Variants in ULK4 observed in about 807,000 individuals in gnomAD.
ULK4 encodes unc-51 like kinase 4, also known as inactive serine/threonine-protein kinase ULK4.
A neutral mutation model predicts 160.6 loss-of-function variants in ULK4; 133 were observed. The ratio of observed to expected loss-of-function variants is 0.83; its 90% CI spans 0.72 to 0.96. The LOEUF (loss-of-function observed/expected upper bound fraction) is 0.96. Ranked by LOEUF, ULK4 falls within the 40% of genes least tolerant of loss-of-function variation. The pLI, the probability that ULK4 is intolerant of heterozygous loss-of-function variation, is 0.00. For missense variants in ULK4, 1,580 were observed against 1,499.5 expected (o/e 1.05, Z -0.89); for synonymous variants, 534 against 539.8 (o/e 0.99, Z 0.15).
chr3:41,388,248 G>C (rs1399972735), intron 35 of ULK4, among the ~76,000 whole-genome samples: 1 of 152,032 alleles, frequency 6.6e-6, no homozygotes, highest in Non-Finnish European at 1.5e-5. Context: ...AAATTTGTTT[G>C]AGTTCATTGT....
At chr3:41,918,678 T>C in intron 6 of ULK4, 138 bp from the exon 7 acceptor site, 2 of 453,068 alleles carry the variant, frequency 4.4e-6, no homozygotes, top group Non-Finnish European at 7.5e-6. Context: ...CTCGGCTCAC[T>C]GCACACTCCG....
At chr3:41,588,040 A>C (rs1240018527) in intron 31 of ULK4, among the ~76,000 whole-genome samples, 1 of 152,210 alleles carries the variant, frequency 6.6e-6, no homozygotes, top group Non-Finnish European at 1.5e-5. Flanking sequence ...TTTTATCCAC[A>C]AGATTGCTGT....
At chr3:41,544,084 T>C (rs1213650623) in intron 32 of ULK4, among the ~76,000 whole-genome samples, 1 of 152,208 alleles carries the variant, frequency 6.6e-6, no homozygotes, top group Non-Finnish European at 1.5e-5. Flanking sequence ...TTTCCTAGTT[T>C]GGCTTTTTGA....
At chr3:41,778,155 G>A (rs1404871682) in intron 21 of ULK4, among the ~76,000 whole-genome samples, 2 of 118,938 alleles carry the variant, frequency 1.7e-5, no homozygotes, top group African/African-American at 4.5e-5. Context: ...CAAAATCAAT[G>A]TACAAAAATC....
intron 33 of ULK4, among the ~76,000 whole-genome samples, chr3:41,461,645 T>A (rs2083686412): frequency 6.6e-6 from 1 of 152,084 alleles, no homozygotes; most frequent in Non-Finnish European, 1.5e-5. Flanking sequence ...AAATAGAAAA[T>A]TCAAAAATAT....
intron 31 of ULK4, among the ~76,000 whole-genome samples, chr3:41,586,750 CTA>C (rs1274335013): frequency 6.6e-6 from 1 of 151,918 alleles, no homozygotes; most frequent in Non-Finnish European, 1.5e-5. Context: ...GCAGGAAAAA[CTA>C]TTTTTGTTTC....
chr3:41,610,432 T>C (rs1366867754), intron 31 of ULK4, among the ~76,000 whole-genome samples: 7 of 152,232 alleles, frequency 4.6e-5, no homozygotes, highest in Non-Finnish European at 1.0e-4. Flanking sequence ...GGAACTTCTC[T>C]TTTTAACGTA....
intron 32 of ULK4, among the ~76,000 whole-genome samples, chr3:41,520,639 T>C (rs1053838014): frequency 1.3e-5 from 2 of 152,190 alleles, no homozygotes; most frequent in African/African-American, 4.8e-5. Context: ...TACTATACAA[T>C]TTTCCACAGC....
At chr3:41,408,336 G>A (rs1257058307) in intron 34 of ULK4, among the ~76,000 whole-genome samples, 2 of 148,442 alleles carry the variant, frequency 1.3e-5, no homozygotes, top group African/African-American at 2.5e-5. Flanking sequence ...GCTGCAGCAG[G>A]AGAATGGCGT....
chr3:41,481,795 C>G (rs2125897406), intron 32 of ULK4, among the ~76,000 whole-genome samples: 1 of 143,082 alleles, frequency 7.0e-6, no homozygotes, highest in South Asian at 2.2e-4. Flanking sequence ...CCACTGCACT[C>G]CAGCCTGGGC....
intron 9 of ULK4, 58 bp from the exon 10 acceptor site, chr3:41,911,717 T>C: frequency 6.2e-6 from 8 of 1,289,964 alleles, no homozygotes; most frequent in South Asian, 1.2e-5. Context: ...TATAGTTTTA[T>C]GTTAGAGAAA....
chr3:41,866,642 G>A (rs114535541), intron 17 of ULK4, among the ~76,000 whole-genome samples: 366 of 152,252 alleles, frequency 2.4e-3, no homozygotes, highest in African/African-American at 7.8e-3. Flanking sequence ...ACCAGTCCTG[G>A]TCCACAGCCC....
At chr3:41,418,048 C>T (rs2125833329) in intron 34 of ULK4, among the ~76,000 whole-genome samples, 1 of 152,188 alleles carries the variant, frequency 6.6e-6, no homozygotes, top group South Asian at 2.1e-4. Flanking sequence ...TAAATTAACC[C>T]TTACCTTCCT....
At chr3:41,294,295 A>G (rs931303231) in intron 35 of ULK4, among the ~76,000 whole-genome samples, 8 of 152,224 alleles carry the variant, frequency 5.3e-5, no homozygotes, top group Admixed American at 1.3e-4. Flanking sequence ...TCAAGGTGCC[A>G]TCTTGGAAGC....
intron 29 of ULK4, among the ~76,000 whole-genome samples, chr3:41,666,147 T>A (rs918567494): frequency 1.3e-5 from 2 of 152,090 alleles, no homozygotes; most frequent in Non-Finnish European, 2.9e-5. Flanking sequence ...GTGTCCAGGG[T>A]TTTTATTGGA....
At chr3:41,821,329 T>C (rs1210502267) in intron 18 of ULK4, among the ~76,000 whole-genome samples, 1 of 147,560 alleles carries the variant, frequency 6.8e-6, no homozygotes, top group East Asian at 1.9e-4. Context: ...CAGGGGACCT[T>C]CAACATCCAT....
intron 35 of ULK4, among the ~76,000 whole-genome samples, chr3:41,253,330 A>G (rs1348493399): frequency 6.6e-6 from 1 of 152,096 alleles, no homozygotes; most frequent in Non-Finnish European, 1.5e-5. Flanking sequence ...GGTTTTCAAC[A>G]TATGTAGATG....
At chr3:41,720,581 G>A (rs1420150939) in intron 22 of ULK4, among the ~76,000 whole-genome samples, 1 of 151,782 alleles carries the variant, frequency 6.6e-6, no homozygotes, top group Admixed American at 6.6e-5. Context: ...CAAAAGAAGA[G>A]GAAAAAATGA....
At chr3:41,809,224 A>AG (rs1490968881) in intron 19 of ULK4, among the ~76,000 whole-genome samples, 1 of 151,534 alleles carries the variant, frequency 6.6e-6, no homozygotes, top group African/African-American at 2.4e-5. Flanking sequence ...GCTACTTTAT[A>AG]GATGTTTGTA....
Sources: allele counts gnomAD v4.1 joint callset (sites outside exome capture counted in the v4.1 genomes callset), GRCh38; gene constraint gnomAD v4.1.1; transcripts MANE v1.5; gene names NCBI Gene and HGNC (gene_info 2026-07-23, HGNC 2026-07-21).